Variants in KLRG1 observed in about 807,000 individuals in gnomAD.
The protein encoded by KLRG1 is killer cell lectin-like receptor subfamily G member 1.
A neutral mutation model predicts 21.8 loss-of-function variants in KLRG1; 16 were observed. The observed-to-expected ratio is 0.73, with a 90% CI of 0.50 to 1.11. The LOEUF is 1.11. KLRG1 is among the 50% of genes most tolerant of loss of function. The pLI, the probability that KLRG1 is intolerant of heterozygous loss-of-function variation, is 0.00. For synonymous variants in KLRG1, 69 were observed against 75.9 expected, an observed-to-expected ratio of 0.91 and a Z score of 0.47; for missense variants, 173 against 218.3, an observed-to-expected ratio of 0.79 and a Z score of 1.31.
the KLRG1 span, among the ~76,000 whole-genome samples, chr12:9,072,166 T>C: frequency 2.0e-5 from 3 of 152,244 alleles, no homozygotes; most frequent in South Asian, 6.2e-4. Context: ...AACAATGAGG[T>C]TGCACAATAG....
At chr12:8,986,211 G>A (rs1210655620), upstream of KLRG1, among the ~76,000 whole-genome samples, 1 of 152,134 alleles carries the variant, frequency 6.6e-6, no homozygotes. Context: ...ACTCATCACT[G>A]GTGGTTCACG....
the KLRG1 span, among the ~76,000 whole-genome samples, chr12:9,204,845 G>A: frequency 1.3e-5 from 2 of 151,968 alleles, no homozygotes; most frequent in African/African-American, 2.4e-5. Context: ...CCTAGTTCCC[G>A]GCACTTTGGG....
the KLRG1 span, among the ~76,000 whole-genome samples, chr12:9,176,101 A>G: frequency 6.6e-6 from 1 of 152,248 alleles, no homozygotes; most frequent in Non-Finnish European, 1.5e-5. Flanking sequence ...AATGTGGTAC[A>G]TATACACAAT....
At chr12:9,165,396 A>G in the KLRG1 span, 1 of 1,611,662 alleles carries the variant, frequency 6.2e-7, no homozygotes. Context: ...GAAGAACAGA[A>G]ATAATGAATG....
the KLRG1 span, among the ~76,000 whole-genome samples, chr12:9,139,700 AAC>A: frequency 1.3e-5 from 2 of 152,126 alleles, no homozygotes; most frequent in East Asian, 3.8e-4. Flanking sequence ...GGTCTCTTGT[AAC>A]AGTTTTTAAC....
the KLRG1 span, among the ~76,000 whole-genome samples, chr12:9,094,511 A>C: frequency 6.6e-6 from 1 of 151,750 alleles, no homozygotes; most frequent in Non-Finnish European, 1.5e-5. Flanking sequence ...GCTTTCCTTG[A>C]TTTTTGACCC....
chr12:9,180,632 A>C, the KLRG1 span, among the ~76,000 whole-genome samples: 8 of 152,162 alleles, frequency 5.3e-5, no homozygotes, highest in Non-Finnish European at 7.4e-5. Context: ...TTCCTTACAC[A>C]TTATACAAAA....
the KLRG1 span, among the ~76,000 whole-genome samples, chr12:9,102,934 G>A: frequency 6.6e-6 from 1 of 151,990 alleles, no homozygotes; most frequent in African/African-American, 2.4e-5. Context: ...ACTCTAAAGA[G>A]GCAGGCGTTT....
the KLRG1 span, chr12:9,182,018 C>T: frequency 6.2e-7 from 1 of 1,613,764 alleles, no homozygotes; most frequent in Non-Finnish European, 8.5e-7. Context: ...TTCAGAGTCT[C>T]CAACAACTTC....
the KLRG1 span, among the ~76,000 whole-genome samples, chr12:9,197,353 A>G: frequency 6.9e-6 from 1 of 144,118 alleles, no homozygotes; most frequent in African/African-American, 2.5e-5. Flanking sequence ...GAATATATAT[A>G]TTTATATAAA....
chr12:9,178,390 T>C, the KLRG1 span, among the ~76,000 whole-genome samples: 5 of 152,316 alleles, frequency 3.3e-5, no homozygotes, highest in East Asian at 9.6e-4. Context: ...ATCTCAGTGC[T>C]TGTGTTCAAG....
At chr12:9,150,805 G>A in the KLRG1 span, 2 of 1,037,646 alleles carry the variant, frequency 1.9e-6, no homozygotes, top group Non-Finnish European at 1.5e-6. Context: ...TCTCCCATGA[G>A]CAAAACATAT....
chr12:9,205,993 T>G, the KLRG1 span, among the ~76,000 whole-genome samples: 2 of 152,186 alleles, frequency 1.3e-5, no homozygotes, highest in Non-Finnish European at 2.9e-5. Context: ...CACTCTGAAA[T>G]CATCCAAGTT....
upstream of KLRG1, among the ~76,000 whole-genome samples, chr12:8,989,186 G>A (rs1946897929): frequency 6.6e-6 from 1 of 152,052 alleles, no homozygotes; most frequent in Non-Finnish European, 1.5e-5. Context: ...TTTCGTTATT[G>A]CTTATCACTG....
chr12:9,090,782 G>A, the KLRG1 span, among the ~76,000 whole-genome samples: 1 of 151,538 alleles, frequency 6.6e-6, no homozygotes, highest in Admixed American at 6.6e-5. Flanking sequence ...CCATTCCCCC[G>A]GATCTCCCGG....
chr12:9,106,262 G>C, the KLRG1 span: 4 of 1,612,386 alleles, frequency 2.5e-6, no homozygotes, highest in African/African-American at 5.3e-5. Context: ...ATTCCCTGTC[G>C]AAAGTGTGAG....
At chr12:9,108,418 G>A in the KLRG1 span, among the ~76,000 whole-genome samples, 10 of 152,262 alleles carry the variant, frequency 6.6e-5, no homozygotes, top group East Asian at 1.2e-3. Context: ...GAGCCACCAC[G>A]CCGGGCCTGT....
At chr12:9,062,817 T>C in the KLRG1 span, among the ~76,000 whole-genome samples, 1 of 150,008 alleles carries the variant, frequency 6.7e-6, no homozygotes, top group Non-Finnish European at 1.5e-5. Flanking sequence ...GTTAGGTGAT[T>C]TTTTATACAA....
At chr12:9,160,985 C>A in the KLRG1 span, 2 of 1,373,006 alleles carry the variant, frequency 1.5e-6, no homozygotes, top group Non-Finnish European at 2.1e-6. Context: ...ATAAGATGTA[C>A]AGTGGCAACT....
Sources: allele counts gnomAD v4.1 joint callset (sites outside exome capture counted in the v4.1 genomes callset), GRCh38; gene constraint gnomAD v4.1.1; transcripts MANE v1.5; gene names NCBI Gene and HGNC (gene_info 2026-07-23, HGNC 2026-07-21).